The following ABHD18 variants were observed in gnomAD, a reference collection of about 807,000 sequenced individuals.
ABHD18 encodes cardiolipin-specific deacylase, mitochondrial.
A neutral mutation model predicts 65.9 loss-of-function variants in ABHD18; 55 were observed. The ratio of observed to expected loss-of-function variants is 0.84; its 90% CI spans 0.67 to 1.05. The LOEUF (loss-of-function observed/expected upper bound fraction) is 1.05, where lower values mean the gene tolerates loss of function less well. Among genes scored for constraint, ABHD18 ranks in the 50% least tolerant of loss-of-function variants. The pLI is 0.00. For synonymous variants in ABHD18, 181 were observed against 180.2 expected (o/e 1.00, Z -0.04); for missense variants, 533 against 558.5 (o/e 0.95, Z 0.46).
intron 12 of ABHD18, among the ~76,000 whole-genome samples, chr4:128,031,985 A>C (rs188584278): frequency 6.6e-6 from 1 of 152,350 alleles, no homozygotes; most frequent in East Asian, 1.9e-4. Flanking sequence ...TCTGTTATAC[A>C]TGTGAACGCA....
intron 10 of ABHD18, among the ~76,000 whole-genome samples, chr4:128,023,837 T>G (rs1244653832): frequency 6.6e-6 from 1 of 152,034 alleles, no homozygotes; most frequent in East Asian, 1.9e-4. Flanking sequence ...TAAGCCAAGA[T>G]CACGCCACTG....
At chr4:128,021,434 TG>T (rs1579419197) in intron 10 of ABHD18, among the ~76,000 whole-genome samples, 196 bp downstream of exon 10, 1 of 152,050 alleles carries the variant, frequency 6.6e-6, no homozygotes, top group African/African-American at 2.4e-5. Flanking sequence ...GATGCTGAAG[TG>T]GGTTGATCAC....
Position 128,038,869 on chromosome 4 carries a change from C to T in ABHD18, c.*3056C>T, listed in dbSNP as rs1051957176. On this transcript the variant is annotated 3_prime_UTR_variant, in exon 13 of 13. Coordinates refer to ENST00000645843, the MANE Select transcript of ABHD18 (RefSeq NM_001358451.3). The stretch of plus-strand genomic sequence containing the variant: ...AGGTTGCAGTAAGCCGAGATTGTGC[C>T]ATTGCACTCCAGCCTGGGCAACAAG... 6.6e-6 allele frequency: 1 copy of T among 152,078 alleles called. No individual in the cohort carries two copies. Among genetic ancestry groups the T allele is most frequent in the Non-Finnish European group, 1.5e-5 (1 of 68,050 alleles). The allele number at this position is 152,078 out of a possible 1,614,324, so 9.4% of individuals were successfully genotyped here. A position where few individuals can be genotyped will look rare whatever the true frequency, so the allele number is the denominator to read the frequency against.
chr4:128,021,234 G>A lies in ABHD18; in HGVS notation c.797G>A (p.Cys266Tyr), dbSNP rs1756445558. The change falls in exon 10 of 13, where the codon TGT (cysteine) becomes TAT (tyrosine). Residue 266 changes from cysteine to tyrosine, a missense_variant. Transcript: ENST00000645843. The part of the protein sequence containing the change: ...EEEIIHMLEY[C>Y]GTDSFKMGQE... ...GAAATTATTCACATGCTTGAATACT[G>A]TGGAGTAAGTATTTCACTTTCCACC... 4.0e-6 allele frequency: 6 copies of A among 1,497,974 alleles called. No homozygotes were observed. Among genetic ancestry groups the A allele is most frequent in the Non-Finnish European group, 5.5e-6 (6 of 1,100,504 alleles). 92.8% of individuals were successfully genotyped at this position (1,497,974 alleles called of 1,614,324 possible).
At chr4:128,001,871 T>A in intron 4 of ABHD18, 1 of 1,213,986 alleles carries the variant, frequency 8.2e-7, no homozygotes, top group Non-Finnish European at 1.1e-6. Context: ...TCCTTGTGCC[T>A]GCCACTCAGA....
At chr4:128,032,235 G>A (rs1758318216) in intron 12 of ABHD18, among the ~76,000 whole-genome samples, 3 of 152,068 alleles carry the variant, frequency 2.0e-5, no homozygotes, top group Admixed American at 6.6e-5. Flanking sequence ...AGAATAAAGG[G>A]AACAAAAAAG....
intron 7 of ABHD18, 38 bp downstream of exon 7, chr4:128,011,738 C>T (rs1330089107): frequency 3.3e-6 from 5 of 1,495,624 alleles, no homozygotes; most frequent in Admixed American, 2.2e-5. Context: ...AGTCTTTTTA[C>T]CCAATATCCA....
intron 10 of ABHD18, among the ~76,000 whole-genome samples, chr4:128,022,280 TCCATC>T (rs1756632240): frequency 6.6e-6 from 1 of 152,228 alleles, no homozygotes; most frequent in African/African-American, 2.4e-5. Flanking sequence ...TAACTTGCCT[TCCATC>T]CCTTTATTTT....
At chr4:127,991,641 T>G (rs1420125678) in intron 4 of ABHD18, among the ~76,000 whole-genome samples, 1 of 152,184 alleles carries the variant, frequency 6.6e-6, no homozygotes, top group African/African-American at 2.4e-5. Context: ...CTACTGTACT[T>G]TTTTTCCCCT....
chr4:127,998,664 A>C (rs1752175054), intron 4 of ABHD18, among the ~76,000 whole-genome samples: 1 of 151,562 alleles, frequency 6.6e-6, no homozygotes, highest in South Asian at 2.1e-4. Flanking sequence ...GCGCCATTGC[A>C]TCCAGCTCTA....
At chr4:127,996,848 G>A (rs1751822245) in intron 4 of ABHD18, among the ~76,000 whole-genome samples, 1 of 152,180 alleles carries the variant, frequency 6.6e-6, no homozygotes, top group Admixed American at 6.5e-5. Flanking sequence ...GGAGAAATAT[G>A]GCTCTATTCT....
chr4:128,029,981 T>G (rs1374004278), intron 11 of ABHD18, among the ~76,000 whole-genome samples: 2 of 152,036 alleles, frequency 1.3e-5, no homozygotes, highest in Non-Finnish European at 2.9e-5. Flanking sequence ...AGTGAAACTC[T>G]TATCTCCCAA....
chr4:127,973,998 A>G (rs1038083540), intron 1 of ABHD18, among the ~76,000 whole-genome samples: 1 of 151,964 alleles, frequency 6.6e-6, no homozygotes, highest in Non-Finnish European at 1.5e-5. Context: ...GTTCTGAAGC[A>G]GAAAACCCAA....
intron 1 of ABHD18, among the ~76,000 whole-genome samples, chr4:127,981,232 A>ATT (rs574989418): frequency 2.6e-5 from 4 of 152,014 alleles, no homozygotes; most frequent in African/African-American, 9.7e-5. Flanking sequence ...CACGTATGAT[A>ATT]TTTTTTTACT....
At chr4:128,003,973 C>A (rs113638028) in intron 4 of ABHD18, among the ~76,000 whole-genome samples, 2,019 of 141,024 alleles carry the variant, frequency 0.014, 29 homozygotes, top group African/African-American at 0.032. Context: ...CAAAAAAAAA[C>A]CAAACAAACA....
At position 128,006,964 on chromosome 4, in the gene ABHD18, G is replaced by T. The variant is rs188409665; in HGVS notation, c.279-1956G>T. ...TGTTCAAGACCAGCCTGACTAACAT[G>T]GAGAAGCTGCATCTCTACTTAAAAT... On this transcript the variant is annotated intron_variant, in intron 4 of 12. Transcript: ENST00000645843. Among the ~76,000 whole-genome samples, 455 of 152,266 alleles carry T rather than the reference G, an allele frequency of 3.0e-3. 4 individuals are homozygous for T. The highest frequency in any genetic ancestry group is 0.011 in the African/African-American group (438 of 41,566).
chr4:127,983,661 C>T (rs945643752), intron 2 of ABHD18, among the ~76,000 whole-genome samples: 7 of 152,124 alleles, frequency 4.6e-5, no homozygotes, highest in African/African-American at 1.4e-4. Flanking sequence ...GTCAGGAGTT[C>T]GAGAACAGCC....
chr4:128,031,606 T>TA (rs887087233), intron 12 of ABHD18, among the ~76,000 whole-genome samples: 3 of 152,120 alleles, frequency 2.0e-5, no homozygotes, highest in East Asian at 1.9e-4. Flanking sequence ...ACATAAGTGT[T>TA]AAAAAAAACT....
chr4:127,979,604 A>G (rs1289261775), intron 1 of ABHD18, among the ~76,000 whole-genome samples: 3 of 151,798 alleles, frequency 2.0e-5, no homozygotes, highest in Non-Finnish European at 4.4e-5. Flanking sequence ...TTAAATGGAT[A>G]GAACAAGGTA....
Sources: gnomAD v4.1 joint callset for allele counts (sites outside exome capture counted in the v4.1 genomes callset) on GRCh38, gnomAD v4.1.1 for gene constraint, MANE v1.5 for transcripts, NCBI Gene and HGNC (gene_info 2026-07-23, HGNC 2026-07-21) for gene names.